CNTN2: variants seen among roughly 807,000 people sequenced by gnomAD.
CNTN2 encodes the protein contactin 2, also known as contactin-2.
CNTN2 carries 53 observed loss-of-function variants against 117.5 expected under a neutral mutation model. The ratio of observed to expected loss-of-function variants is 0.45; its 90% CI spans 0.36 to 0.57. CNTN2 has a LOEUF of 0.57. CNTN2 is among the 20% of genes least tolerant of loss of function. The pLI, the probability that CNTN2 is intolerant of heterozygous loss-of-function variation, is 0.00. For missense variants in CNTN2, 1,106 were observed against 1,404.3 expected (o/e 0.79, Z 3.39); for synonymous variants, 530 against 561.7 (o/e 0.94, Z 0.80).
Position 205,074,915 on chromosome 1 carries a change from C to T in CNTN2, c.*1150C>T, listed in dbSNP as rs1399897238. The T allele has an allele frequency of 2.5e-6, 1 of 398,498 alleles. No individual in the cohort carries two copies. Among genetic ancestry groups the T allele is most frequent in the Non-Finnish European group, 4.4e-6 (1 of 226,114 alleles). 24.7% of individuals were successfully genotyped at this position (398,498 alleles called of 1,614,324 possible). ...AGACGGCCTTGGACTGCTTGCATTT[C>T]CCCGGAGAAAAAGGGGTTAATAAAT... On this transcript the variant is annotated 3_prime_UTR_variant, in exon 23 of 23. Coordinates refer to ENST00000331830, the MANE Select transcript of CNTN2 (RefSeq NM_005076.5).
intron 1 of CNTN2, among the ~76,000 whole-genome samples, chr1:205,044,459 G>GGC (rs1553341460): frequency 8.6e-6 from 1 of 116,448 alleles, no homozygotes; most frequent in African/African-American, 4.4e-5. Flanking sequence ...CCTGTGTCCT[G>GGC]GGGGGGGGGG....
chr1:205,069,618 G>A (rs912795089), intron 17 of CNTN2, 57 bp downstream of exon 17: 1 of 1,577,450 alleles, frequency 6.3e-7, no homozygotes. Context: ...TCCCGCTTGA[G>A]CAGCTGCAGA....
intron 1 of CNTN2, among the ~76,000 whole-genome samples, chr1:205,050,000 C>T (rs925422304): frequency 4.1e-5 from 6 of 146,776 alleles, no homozygotes; most frequent in Admixed American, 2.1e-4. Context: ...CACTCTAGCA[C>T]CTCATGGAAC....
rs1358138201 is a variant in CNTN2 at position 205,065,443 on chromosome 1, G to C, written c.1695+181G>C. On this transcript the variant is annotated intron_variant, in intron 13 of 22. Coordinates refer to ENST00000331830, the MANE Select transcript of CNTN2 (RefSeq NM_005076.5). This position sits in a 1 kb window ranked among gnomAD's most constrained non-coding sequence, Gnocchi z 4.1. Reference sequence around the variant, plus strand: ...AGCTGACCTTCCTGGATTCCACCCAGGGACCATGCATTTAGGAGAGGGTTA... The same window carrying C: ...AGCTGACCTTCCTGGATTCCACCCACGGACCATGCATTTAGGAGAGGGTTA... Among the ~76,000 whole-genome samples, 1 of 152,082 alleles carries C rather than the reference G, an allele frequency of 6.6e-6. No homozygotes were observed. The highest frequency in any genetic ancestry group is 1.5e-5 in the Non-Finnish European group (1 of 68,018).
Position 205,058,700 on chromosome 1 carries a change from C to A in CNTN2, c.487+37C>A. 2 of 1,521,106 alleles carry A rather than the reference C, an allele frequency of 1.3e-6. No individual in the cohort carries two copies. The highest frequency in any genetic ancestry group is 1.8e-6 in the Non-Finnish European group (2 of 1,104,314). The allele number at this position is 1,521,106 out of a possible 1,614,324, so 94.2% of individuals were successfully genotyped here. ...CCTGGGGCCAGGGTTAGAGAGGGCA[C>A]AGGAAGGGCTTCCAGATGCTTGGCA... On this transcript the variant is annotated intron_variant, in intron 5 of 22. Transcript: ENST00000331830. The surrounding 1 kb of genome is among the most constrained non-coding windows in gnomAD (Gnocchi z 4.3).
intron 1 of CNTN2, among the ~76,000 whole-genome samples, chr1:205,049,966 AG>A (rs963265009): frequency 1.6e-4 from 24 of 152,254 alleles, no homozygotes; most frequent in African/African-American, 5.8e-4. Flanking sequence ...AAGACTTCAC[AG>A]CAGCTTGAAA....
At chr1:205,055,718 C>T (rs921661421) in intron 2 of CNTN2, among the ~76,000 whole-genome samples, 1 of 152,156 alleles carries the variant, frequency 6.6e-6, no homozygotes, top group Non-Finnish European at 1.5e-5. Context: ...CAAGGTCCAA[C>T]CCCCCAGATC....
rs533375212 is a variant in CNTN2, at chr1:205,059,018, G to A, written c.488-66G>A. 7.0e-7 allele frequency: 1 copy of A among 1,434,970 alleles called. No individual in the cohort carries two copies. The highest frequency in any genetic ancestry group is 1.2e-5 in the South Asian group (1 of 84,136). 88.9% of individuals were successfully genotyped at this position (1,434,970 alleles called of 1,614,324 possible). A position where few individuals can be genotyped will look rare whatever the true frequency, so the allele number is the denominator to read the frequency against. The stretch of plus-strand genomic sequence containing the variant: ...TTGCAGAACCGCACCAGCATGCTGG[G>A]GTCCCACCCAGAGTGGCCCTGTTAG... On this transcript the variant is annotated intron_variant, in intron 5 of 22. Transcript: ENST00000331830. The surrounding 1 kb of genome is among the most constrained non-coding windows in gnomAD (Gnocchi z 5.6).
chr1:205,062,088 A>C, intron 9 of CNTN2, 87 bp downstream of exon 9: 1 of 1,503,046 alleles, frequency 6.7e-7, no homozygotes, highest in South Asian at 1.2e-5. Flanking sequence ...CCCCTGCACC[A>C]CTAGTAGCCC....
intron 19 of CNTN2, among the ~76,000 whole-genome samples, 191 bp from the exon 20 acceptor site, chr1:205,071,756 A>G (rs1336265483): frequency 6.6e-6 from 1 of 152,122 alleles, no homozygotes; most frequent in Non-Finnish European, 1.5e-5. Flanking sequence ...ACTACGCACC[A>G]ACAGACAGCA....
Position 205,077,040 on chromosome 1 carries a change from G to A in CNTN2, c.*3275G>A, listed in dbSNP as rs1379630929. 1.3e-5 allele frequency: 2 copies of A among 152,200 alleles called. No homozygotes were observed. Among genetic ancestry groups the A allele is most frequent in the Non-Finnish European group, 2.9e-5 (2 of 68,058 alleles). 9.4% of individuals were successfully genotyped at this position (152,200 alleles called of 1,614,324 possible). On this transcript the variant is annotated 3_prime_UTR_variant, in exon 23 of 23. Transcript: ENST00000331830. ...TTCTGAGGGAGCTTTGAGGAATTTTGACAGCTGTTGACATGGGATTTGGGA... is the reference window on the plus strand; with the variant it reads ...TTCTGAGGGAGCTTTGAGGAATTTTAACAGCTGTTGACATGGGATTTGGGA...
Position 205,073,126 on chromosome 1 carries a change from G to T in CNTN2, c.2903G>T (p.Trp968Leu). ...TPTLHLTGKN[W>L]IEIPVPEDIG... Reference sequence around the variant, plus strand: ...ACGCTCCACCTCACCGGCAAGAACTGGATAGAAATCCCAGTGCCTGAAGAC... The same window carrying T: ...ACGCTCCACCTCACCGGCAAGAACTTGATAGAAATCCCAGTGCCTGAAGAC... Residue 968 changes from tryptophan (W) to leucine (L), a missense_variant, in exon 22 of 23, where the codon TGG becomes TTG. Transcript: ENST00000331830. This position sits in a 1 kb window ranked among gnomAD's most constrained non-coding sequence, Gnocchi z 6.3. 1 of 1,614,130 alleles carries T rather than the reference G, an allele frequency of 6.2e-7. No homozygotes were observed. The highest frequency in any genetic ancestry group is 8.5e-7 in the Non-Finnish European group (1 of 1,180,018).
chr1:205,059,569 C>A lies in CNTN2; in HGVS notation c.698-14C>A, dbSNP rs909165812. On this transcript the variant is annotated splice_polypyrimidine_tract_variant and intron_variant, in intron 6 of 22. Coordinates refer to ENST00000331830, the MANE Select transcript of CNTN2 (RefSeq NM_005076.5). This position sits in a 1 kb window ranked among gnomAD's most constrained non-coding sequence, Gnocchi z 5.6. The stretch of plus-strand genomic sequence containing the variant: ...AGTCATCTGCATCTGATTTGTAAAA[C>A]CCTCTCTCCCCAGATACCCGGCTCT... 6.2e-7 allele frequency: 1 copy of A among 1,613,146 alleles called. No homozygotes were observed. Among genetic ancestry groups the A allele is most frequent in the South Asian group, 1.1e-5 (1 of 91,058 alleles).
chr1:205,057,829 T>A, intron 2 of CNTN2, 92 bp from the exon 3 acceptor site: 4 of 1,458,120 alleles, frequency 2.7e-6, no homozygotes, highest in Non-Finnish European at 3.7e-6. Flanking sequence ...ATTCCCATCA[T>A]CAGAGAAAGT....
Position 205,059,325 on chromosome 1 carries a change from G to A in CNTN2, c.697+32G>A. 1 of 1,591,450 alleles carries A rather than the reference G, an allele frequency of 6.3e-7. No individual in the cohort carries two copies. The highest frequency in any genetic ancestry group is 8.6e-7 in the Non-Finnish European group (1 of 1,163,242). On this transcript the variant is annotated intron_variant, in intron 6 of 22. Transcript: ENST00000331830. This position sits in a 1 kb window ranked among gnomAD's most constrained non-coding sequence, Gnocchi z 5.6. ...CTTGGCCAGGCGTGGCTGGAGGGAG[G>A]GAACTGGAAGGGTCAGCGGGCATTA...
chr1:205,066,616 C>G lies in CNTN2; in HGVS notation c.1975+17C>G. The G allele has an allele frequency of 6.2e-7, 1 of 1,613,044 alleles. No individual in the cohort carries two copies. The highest frequency in any genetic ancestry group is 8.5e-7 in the Non-Finnish European group (1 of 1,179,596). ...TTCGGACCAGTAAGTGTGAGCCCCA[C>G]CTGGGTCAGTGCTGATAAGGCTCGA... is the stretch of plus-strand genomic sequence containing the variant. On this transcript the variant is annotated intron_variant, in intron 15 of 22. Transcript: ENST00000331830.
In CNTN2 at chr1:205,073,429, C is replaced by T. The variant is rs530026952; in HGVS notation, c.3013+193C>T. 177 of 801,934 alleles carry T rather than the reference C, an allele frequency of 2.2e-4. 1 individual carries two copies. In the South Asian group the frequency reaches 2.8e-3, roughly 13 times the overall value. 49.7% of individuals were successfully genotyped at this position (801,934 alleles called of 1,614,324 possible). On this transcript the variant is annotated intron_variant, in intron 22 of 22. Coordinates refer to ENST00000331830, the MANE Select transcript of CNTN2 (RefSeq NM_005076.5). The surrounding 1 kb of genome is among the most constrained non-coding windows in gnomAD (Gnocchi z 6.3). Reference sequence around the variant, plus strand: ...TTCTACCCAGCCCCCAGAACATCCCCGAGGGCCAGGGAAGGGCGCAGGGTG... The same window carrying T: ...TTCTACCCAGCCCCCAGAACATCCCTGAGGGCCAGGGAAGGGCGCAGGGTG...
chr1:205,052,837 C>T (rs1315446765), intron 1 of CNTN2, among the ~76,000 whole-genome samples: 2 of 152,268 alleles, frequency 1.3e-5, no homozygotes, highest in South Asian at 2.1e-4. Flanking sequence ...ACTTCCTAAG[C>T]GGCACCCCAC....
chr1:205,061,778 G>A lies in CNTN2; in HGVS notation c.974-87G>A, dbSNP rs1235893248. On this transcript the variant is annotated intron_variant, in intron 8 of 22. Transcript: ENST00000331830. This position sits in a 1 kb window ranked among gnomAD's most constrained non-coding sequence, Gnocchi z 4.8. ...TGGCGCCCTCTGCTGTCTGGCACAG[G>A]TGCTGCTGCCCTGATTTTCTGTTCC... 5 of 1,458,316 alleles carry A rather than the reference G, an allele frequency of 3.4e-6. No individual in the cohort carries two copies. Among genetic ancestry groups the A allele is most frequent in the Admixed American group, 5.0e-5 (2 of 40,220 alleles). 90.3% of individuals were successfully genotyped at this position (1,458,316 alleles called of 1,614,324 possible).
Sources: allele counts gnomAD v4.1 joint callset (sites outside exome capture counted in the v4.1 genomes callset), GRCh38; gene constraint gnomAD v4.1.1; non-coding constraint Gnocchi (gnomAD v3.1); transcripts MANE v1.5; gene names NCBI Gene and HGNC (gene_info 2026-07-23, HGNC 2026-07-21).